The following NR2C1 variants were observed in gnomAD, a reference collection of about 807,000 sequenced individuals.
NR2C1 encodes TR2 nuclear hormone receptor.
Under a neutral mutation model 74.8 loss-of-function variants are expected in NR2C1, and 33 were observed. The observed-to-expected ratio is 0.44, with a 90% CI of 0.33 to 0.59. The LOEUF is 0.59. Among genes scored for constraint, NR2C1 ranks in the 20% least tolerant of loss-of-function variants. NR2C1 has a pLI of 0.02. For missense variants in NR2C1, 568 were observed against 715.6 expected (o/e 0.79, Z 2.35); for synonymous variants, 225 against 240.6 (o/e 0.94, Z 0.60).
At chr12:95,063,293 G>C (rs1466275436) in intron 2 of NR2C1, among the ~76,000 whole-genome samples, 14 of 152,216 alleles carry the variant, frequency 9.2e-5, no homozygotes, top group Non-Finnish European at 1.5e-5. Flanking sequence ...ATTCCAGGTA[G>C]AGGAAACAGA....
chr12:95,069,213 G>C lies in NR2C1; in HGVS notation c.-7-1822C>G, dbSNP rs144126355. Among the ~76,000 whole-genome samples the C allele has an allele frequency of 4.8e-3, 730 of 152,210 alleles. 2 individuals are homozygous for C. Among genetic ancestry groups the C allele is most frequent in the Middle Eastern group, 6.8e-3 (2 of 294 alleles). ...ATCCTAAAATCAACACCAGTGTATT[G>C]GTGCATTAGACTCAAAGAAGTCACC... On this transcript the variant is annotated intron_variant, in intron 1 of 13. Transcript: ENST00000333003.
At chr12:95,045,013 G>A (rs1235911236) in intron 9 of NR2C1, among the ~76,000 whole-genome samples, 2 of 152,156 alleles carry the variant, frequency 1.3e-5, no homozygotes, top group African/African-American at 4.8e-5. Context: ...AGACCAGCCT[G>A]GGCAACATAG....
chr12:95,058,359 A>G lies in NR2C1; in HGVS notation c.495T>C (p.Cys165=). ...CIINKHHRNR[C]QYCRLQRCIA... ...TACATCTCTGTAACCTGCAGTATTG[A>G]CAGCGGTTTCGGTGGTGCTTATTAA... The change falls in exon 5 of 14, where the codon TGT becomes TGC. Residue 165 remains cysteine (C), a synonymous_variant. Coordinates refer to ENST00000333003, the MANE Select transcript of NR2C1 (RefSeq NM_003297.4). 2 of 1,613,720 alleles carry G rather than the reference A, an allele frequency of 1.2e-6. No homozygotes were observed. The highest frequency in any genetic ancestry group is 2.2e-5 in the East Asian group (1 of 44,852).
At chr12:95,063,289 G>A (rs1353528820) in intron 2 of NR2C1, among the ~76,000 whole-genome samples, 1 of 152,174 alleles carries the variant, frequency 6.6e-6, no homozygotes, top group East Asian at 1.9e-4. Context: ...GAACATTCCA[G>A]GTAGAGGAAA....
intron 2 of NR2C1, among the ~76,000 whole-genome samples, chr12:95,064,515 T>C (rs1259478290): frequency 6.6e-6 from 1 of 152,054 alleles, no homozygotes; most frequent in Non-Finnish European, 1.5e-5. Context: ...ATATTATTTA[T>C]TTATTTTAAG....
chr12:95,029,905 G>C (rs766679608), intron 11 of NR2C1, among the ~76,000 whole-genome samples: 4 of 151,968 alleles, frequency 2.6e-5, no homozygotes, highest in Admixed American at 2.0e-4. Context: ...TTCTCACTCT[G>C]TTGTCCAAGC....
At chr12:95,072,304 A>G (rs574301515) in intron 1 of NR2C1, among the ~76,000 whole-genome samples, 1 of 150,748 alleles carries the variant, frequency 6.6e-6, no homozygotes, top group Non-Finnish European at 1.5e-5. Context: ...AAACAAAAAA[A>G]CTAGCTGGGT....
intron 2 of NR2C1, among the ~76,000 whole-genome samples, chr12:95,065,464 A>G (rs957021461): frequency 2.0e-5 from 3 of 151,972 alleles, no homozygotes; most frequent in Non-Finnish European, 4.4e-5. Flanking sequence ...TGTTAACATA[A>G]TTTTTTTAAA....
chr12:95,040,696 C>A, intron 9 of NR2C1, 99 bp from the exon 10 acceptor site: 1 of 1,074,096 alleles, frequency 9.3e-7, no homozygotes, highest in East Asian at 2.7e-5. Context: ...CAAATGAGAG[C>A]TAATATATTC....
At chr12:95,049,933 G>A (rs1364184408) in intron 8 of NR2C1, among the ~76,000 whole-genome samples, 1 of 152,052 alleles carries the variant, frequency 6.6e-6, no homozygotes, top group Non-Finnish European at 1.5e-5. Context: ...CCGAGCAGCT[G>A]GGACTACATG....
intron 12 of NR2C1, 170 bp from the exon 13 acceptor site, chr12:95,025,425 G>A: frequency 2.3e-6 from 1 of 444,222 alleles, no homozygotes; most frequent in Non-Finnish European, 3.9e-6. Flanking sequence ...TTGGGAGGCT[G>A]AGGAGGGTGA....
chr12:95,045,201 G>A (rs1371896887), intron 9 of NR2C1, among the ~76,000 whole-genome samples: 2 of 152,124 alleles, frequency 1.3e-5, no homozygotes, highest in African/African-American at 4.8e-5. Flanking sequence ...TTGTCTCAGT[G>A]GAAGAATAAA....
At chr12:95,029,251 T>A (rs955607138) in intron 11 of NR2C1, among the ~76,000 whole-genome samples, 1 of 151,674 alleles carries the variant, frequency 6.6e-6, no homozygotes, top group Non-Finnish European at 1.5e-5. Flanking sequence ...ATGGCTAAAT[T>A]TTGTATTTTA....
chr12:95,057,903 T>C (rs753543964), intron 5 of NR2C1, 25 bp from the exon 6 acceptor site: 5 of 1,589,006 alleles, frequency 3.1e-6, no homozygotes, highest in South Asian at 2.2e-5. Flanking sequence ...TAAACTATTA[T>C]ATCACAATAT....
chr12:95,053,702 T>TTTG (rs10699834), intron 7 of NR2C1, among the ~76,000 whole-genome samples: 2 of 140,564 alleles, frequency 1.4e-5, no homozygotes, highest in East Asian at 2.0e-4. Context: ...TTTTTTTTTT[T>TTTG]GAGACAGAGT....
At chr12:95,064,591 TG>T (rs577509388) in intron 2 of NR2C1, among the ~76,000 whole-genome samples, 153 of 152,296 alleles carry the variant, frequency 1.0e-3, no homozygotes, top group African/African-American at 3.4e-3. Context: ...GAGTCAAGGA[TG>T]ATTATAAAAT....
chr12:95,031,255 TAATA>T (rs2136103073), intron 11 of NR2C1, 90 bp downstream of exon 11: 1 of 1,015,718 alleles, frequency 9.8e-7, no homozygotes, highest in Non-Finnish European at 1.4e-6. Flanking sequence ...AACACTAATA[TAATA>T]ATTATTAGAT....
chr12:95,053,676 T>C (rs1056502550), intron 7 of NR2C1, among the ~76,000 whole-genome samples: 3 of 145,848 alleles, frequency 2.1e-5, no homozygotes, highest in Non-Finnish European at 4.5e-5. Context: ...TTTTTTCTTT[T>C]TGGTGTTTTT....
At chr12:95,063,646 G>C (rs779822095) in intron 2 of NR2C1, among the ~76,000 whole-genome samples, 1 of 150,454 alleles carries the variant, frequency 6.6e-6, no homozygotes, top group Non-Finnish European at 1.5e-5. Flanking sequence ...TTCGAGACCA[G>C]ACTGGGCAAC....
Sources: gnomAD v4.1 joint callset for allele counts (sites outside exome capture counted in the v4.1 genomes callset) on GRCh38, gnomAD v4.1.1 for gene constraint, MANE v1.5 for transcripts, NCBI Gene and HGNC (gene_info 2026-07-23, HGNC 2026-07-21) for gene names.